The following RIMS2 variants were observed in gnomAD, a reference collection of about 807,000 sequenced individuals.
RIMS2 encodes regulating synaptic membrane exocytosis 2.
In RIMS2, 59 loss-of-function variants were observed where a neutral mutation model predicts 174.4. The observed-to-expected ratio is 0.34, with a 90% CI of 0.27 to 0.42. RIMS2 has a LOEUF of 0.42. Ranked by LOEUF, RIMS2 falls within the 10% of genes least tolerant of loss-of-function variation. The pLI is 1.00. For missense variants in RIMS2, 1,620 were observed against 1,666.3 expected, an observed-to-expected ratio of 0.97 and a Z score of 0.48; for synonymous variants, 606 against 572.5, an observed-to-expected ratio of 1.06 and a Z score of -0.84.
intron 1 of RIMS2, among the ~76,000 whole-genome samples, chr8:103,604,489 T>G (rs945930571): frequency 2.6e-5 from 4 of 152,128 alleles, no homozygotes; most frequent in Non-Finnish European, 1.5e-5. Flanking sequence ...CGGGCTCTTT[T>G]TTGGTTCCAT....
intron 1 of RIMS2, among the ~76,000 whole-genome samples, chr8:103,623,049 A>T (rs1428189263): frequency 6.6e-6 from 1 of 152,320 alleles, no homozygotes; most frequent in South Asian, 2.1e-4. Context: ...TTTGTTCCAT[A>T]AGACAGTCTC....
chr8:104,021,951 G>A (rs1167621698), intron 19 of RIMS2, among the ~76,000 whole-genome samples: 8 of 152,160 alleles, frequency 5.3e-5, no homozygotes, highest in African/African-American at 1.9e-4. Context: ...TGTGGAAAAT[G>A]GTTCTTATGT....
At chr8:103,821,872 C>CATAT in intron 3 of RIMS2, among the ~76,000 whole-genome samples, 1 of 151,544 alleles carries the variant, frequency 6.6e-6, no homozygotes, top group East Asian at 1.9e-4. Context: ...CAAAAGATCT[C>CATAT]ATATGCAAGA....
At chr8:103,555,348 A>G (rs963616879) in intron 1 of RIMS2, among the ~76,000 whole-genome samples, 1 of 152,200 alleles carries the variant, frequency 6.6e-6, no homozygotes, top group African/African-American at 2.4e-5. Context: ...AATGACTACT[A>G]TAAAAAAGGT....
chr8:103,938,005 T>C (rs1050240075), intron 13 of RIMS2, among the ~76,000 whole-genome samples: 3 of 152,130 alleles, frequency 2.0e-5, no homozygotes, highest in Non-Finnish European at 2.9e-5. Flanking sequence ...CCCACCCCCA[T>C]GCCCAGCTAA....
At chr8:104,135,491 A>T (rs764406993) in intron 19 of RIMS2, among the ~76,000 whole-genome samples, 3 of 151,846 alleles carry the variant, frequency 2.0e-5, no homozygotes, top group Admixed American at 6.6e-5. Flanking sequence ...CTGTAGTCCC[A>T]ACTACCTGGG....
At chr8:103,957,063 C>T (rs2087566814) in intron 14 of RIMS2, among the ~76,000 whole-genome samples, 1 of 152,120 alleles carries the variant, frequency 6.6e-6, no homozygotes, top group African/African-American at 2.4e-5. Flanking sequence ...CCATCTCATG[C>T]CAGTTAGAAT....
At chr8:103,919,855 C>T (rs2077269060) in intron 9 of RIMS2, among the ~76,000 whole-genome samples, 1 of 151,904 alleles carries the variant, frequency 6.6e-6, no homozygotes, top group African/African-American at 2.4e-5. Context: ...TCACATAAAA[C>T]TCTAACATAA....
intron 6 of RIMS2, among the ~76,000 whole-genome samples, chr8:103,914,568 T>C (rs1442534500): frequency 6.6e-6 from 1 of 152,216 alleles, no homozygotes; most frequent in Non-Finnish European, 1.5e-5. Flanking sequence ...ATAAGAGCTA[T>C]ACATATAATT....
At chr8:104,253,833 A>G (rs2099364154), downstream of RIMS2, 1 of 152,226 alleles carries the variant, frequency 6.6e-6, no homozygotes, top group Non-Finnish European at 1.5e-5. Flanking sequence ...AAAAACTATC[A>G]TGCTTGATAC....
At chr8:103,927,775 T>C in intron 10 of RIMS2, 1 of 1,069,144 alleles carries the variant, frequency 9.4e-7, no homozygotes, top group African/African-American at 1.6e-5. Context: ...CTTTTGGTCT[T>C]TTAGTTCCAG....
chr8:103,610,027 T>C (rs2095311893), intron 1 of RIMS2, among the ~76,000 whole-genome samples: 1 of 152,202 alleles, frequency 6.6e-6, no homozygotes, highest in South Asian at 2.1e-4. Flanking sequence ...TTTGTAATTC[T>C]CATTGTAGAG....
chr8:103,899,173 A>C (rs2099312295), intron 4 of RIMS2, among the ~76,000 whole-genome samples: 1 of 151,772 alleles, frequency 6.6e-6, no homozygotes. Flanking sequence ...ATAATGCCGC[A>C]ATAAACATAT....
At chr8:103,594,872 A>T (rs2094424748) in intron 1 of RIMS2, among the ~76,000 whole-genome samples, 1 of 151,828 alleles carries the variant, frequency 6.6e-6, no homozygotes, top group South Asian at 2.1e-4. Flanking sequence ...CTATCCCTAT[A>T]AGACATGGGA....
chr8:103,745,579 C>T (rs192667979), intron 2 of RIMS2, among the ~76,000 whole-genome samples: 2 of 152,236 alleles, frequency 1.3e-5, no homozygotes, highest in Admixed American at 6.5e-5. Context: ...TTTACATTCC[C>T]ACCAACAATG....
At chr8:103,771,596 C>A (rs2098254316) in intron 3 of RIMS2, among the ~76,000 whole-genome samples, 1 of 152,108 alleles carries the variant, frequency 6.6e-6, no homozygotes, top group Non-Finnish European at 1.5e-5. Flanking sequence ...ATAGTGTCAT[C>A]ATTTCTAGAT....
intron 1 of RIMS2, among the ~76,000 whole-genome samples, chr8:103,538,408 G>C (rs1192777214): frequency 6.6e-6 from 1 of 152,010 alleles, no homozygotes; most frequent in East Asian, 1.9e-4. Context: ...CTGGAGATTT[G>C]TGAGAACCTG....
chr8:103,780,036 A>G (rs28794838), intron 3 of RIMS2, among the ~76,000 whole-genome samples: 17,629 of 152,098 alleles, frequency 0.12, 1,353 homozygotes, highest in Non-Finnish European at 0.17. Context: ...ATAGCTTTGT[A>G]GTACATTTTG....
chr8:103,561,164 A>G (rs1242457518), intron 1 of RIMS2, among the ~76,000 whole-genome samples: 1 of 152,158 alleles, frequency 6.6e-6, no homozygotes, highest in Admixed American at 6.5e-5. Flanking sequence ...TGAAATATAT[A>G]TATATCTTAA....
Sources: allele counts gnomAD v4.1 joint callset (sites outside exome capture counted in the v4.1 genomes callset), GRCh38; gene constraint gnomAD v4.1.1; transcripts MANE v1.5; gene names NCBI Gene and HGNC (gene_info 2026-07-23, HGNC 2026-07-21).